Variants in KIF18A observed in about 807,000 individuals in gnomAD.
KIF18A encodes the protein kinesin family member 18A, also known as kinesin-like protein KIF18A.
KIF18A carries 67 observed loss-of-function variants against 103.3 expected under a neutral mutation model. The observed-to-expected ratio is 0.65, with a 90% confidence interval of 0.53 to 0.79. KIF18A has a LOEUF of 0.79. Ranked by LOEUF, KIF18A falls within the 30% of genes least tolerant of loss-of-function variation. The pLI is 0.00. For synonymous variants in KIF18A, 367 were observed against 355.5 expected (o/e 1.03, Z -0.36); for missense variants, 1,032 against 1,062.5 (o/e 0.97, Z 0.40).
chr11:28,096,291 T>G (rs1365633450), intron 2 of KIF18A, among the ~76,000 whole-genome samples: 1 of 151,998 alleles, frequency 6.6e-6, no homozygotes, highest in Non-Finnish European at 1.5e-5. Context: ...ATATCATTAT[T>G]GGTTGAAAAT....
In KIF18A at chr11:28,080,088, T is replaced by C. The variant is rs113529243; in HGVS notation, c.1262+2768A>G. On this transcript the variant is annotated intron_variant, in intron 9 of 16. Coordinates refer to ENST00000263181, the MANE Select transcript of KIF18A (RefSeq NM_031217.4). ...AAATGAAGAATAGAGTAGATTTACA[T>C]GAAATATACAAATAATGATTATGTC... Among the ~76,000 whole-genome samples, 10 of 152,154 alleles carry C rather than the reference T, an allele frequency of 6.6e-5. 1 individual carries two copies. Among genetic ancestry groups the C allele is most frequent in the African/African-American group, 2.4e-4 (10 of 41,530 alleles).
intron 13 of KIF18A, among the ~76,000 whole-genome samples, chr11:28,054,334 C>A (rs1426244341): frequency 6.6e-6 from 1 of 151,996 alleles, no homozygotes; most frequent in Non-Finnish European, 1.5e-5. Context: ...GTTCAGCCTC[C>A]CAAGTAGCTA....
rs745465275 is a variant in KIF18A at position 28,058,912 on chromosome 11, A to G, written c.1948+14T>C. 4.4e-6 allele frequency: 7 copies of G among 1,600,642 alleles called. 1 individual carries two copies. Among genetic ancestry groups the G allele is most frequent in the Non-Finnish European group, 6.0e-6 (7 of 1,168,952 alleles). On this transcript the variant is annotated intron_variant, in intron 13 of 16. Coordinates refer to ENST00000263181, the MANE Select transcript of KIF18A (RefSeq NM_031217.4). ...ATAATGTTACTATTTACTTAAAACG[A>G]AAGTTATACTTACAACAAGGAATAG...
At chr11:28,027,790 T>C (rs1484031234) in intron 15 of KIF18A, among the ~76,000 whole-genome samples, 1 of 151,886 alleles carries the variant, frequency 6.6e-6, no homozygotes, top group African/African-American at 2.4e-5. Context: ...CCAATACCAA[T>C]CTTACTCAAA....
At chr11:28,029,068 G>A (rs182516125) in intron 15 of KIF18A, among the ~76,000 whole-genome samples, 120 of 151,982 alleles carry the variant, frequency 7.9e-4, no homozygotes, top group Non-Finnish European at 5.7e-4. Flanking sequence ...GTCCAGGACC[G>A]GGCGGATTCA....
At chr11:28,063,577 C>A (rs1358724220) in intron 11 of KIF18A, among the ~76,000 whole-genome samples, 1 of 151,934 alleles carries the variant, frequency 6.6e-6, no homozygotes, top group East Asian at 1.9e-4. Flanking sequence ...TTTCCTTAAA[C>A]CTACTAAACC....
chr11:28,073,187 G>A (rs1049156685), intron 10 of KIF18A, among the ~76,000 whole-genome samples: 2 of 152,092 alleles, frequency 1.3e-5, no homozygotes, highest in African/African-American at 2.4e-5. Context: ...CTGAGAGAAG[G>A]TATGGCCACA....
chr11:28,084,833 A>T (rs780290331), intron 6 of KIF18A, 25 bp from the exon 7 acceptor site: 1 of 1,585,528 alleles, frequency 6.3e-7, no homozygotes, highest in Non-Finnish European at 8.6e-7. Flanking sequence ...AAGAGATCTT[A>T]TGTCATTTTC....
rs571653792 is a variant in KIF18A, at chr11:28,084,927, G to A, written c.898-119C>T. Reference sequence around the variant, plus strand: ...TAGGTGCCGAGGCAAGAGACTGAAGGTATAAACTGTTTCAGTATAATGAAA... The same window carrying A: ...TAGGTGCCGAGGCAAGAGACTGAAGATATAAACTGTTTCAGTATAATGAAA... On this transcript the variant is annotated intron_variant, in intron 6 of 16. Transcript: ENST00000263181. 4.3e-4 allele frequency: 281 copies of A among 654,610 alleles called. 1 individual carries two copies. The highest frequency in any genetic ancestry group is 5.0e-4 in the Non-Finnish European group (189 of 377,654). The allele number at this position is 654,610 out of a possible 1,614,324, so 40.6% of individuals were successfully genotyped here.
rs1247945128 is a variant in KIF18A at position 28,088,852 on chromosome 11, T to G, written c.700-131A>C. 3.9e-5 allele frequency: 27 copies of G among 699,392 alleles called. No homozygotes were observed. In the Admixed American group the frequency reaches 7.1e-4, roughly 18 times the overall value. 43.3% of individuals were successfully genotyped at this position (699,392 alleles called of 1,614,324 possible). Reference sequence around the variant, plus strand: ...AAAAACAACTGAACAAGGTATAATCTAATTGATATTTAAGAGCACTATAAG... The same window carrying G: ...AAAAACAACTGAACAAGGTATAATCGAATTGATATTTAAGAGCACTATAAG... On this transcript the variant is annotated intron_variant, in intron 5 of 16. Coordinates refer to ENST00000263181, the MANE Select transcript of KIF18A (RefSeq NM_031217.4).
intron 15 of KIF18A, among the ~76,000 whole-genome samples, chr11:28,031,656 T>C (rs1248229474): frequency 6.6e-6 from 1 of 151,404 alleles, no homozygotes; most frequent in African/African-American, 2.4e-5. Context: ...GTTATGCACA[T>C]GTACCGTGGA....
intron 1 of KIF18A, among the ~76,000 whole-genome samples, chr11:28,105,799 G>A (rs563260445): frequency 2.6e-5 from 4 of 152,284 alleles, no homozygotes; most frequent in East Asian, 3.9e-4. Context: ...TTGATATGGT[G>A]ATAATTATTA....
chr11:28,094,619 G>T, intron 3 of KIF18A, 24 bp downstream of exon 3: 3 of 1,546,436 alleles, frequency 1.9e-6, no homozygotes, highest in South Asian at 1.1e-5. Context: ...CAAAACTATT[G>T]ATTAATCTAA....
In KIF18A at chr11:28,088,630, C is replaced by T. The variant is rs746616107; in HGVS notation, c.791G>A (p.Arg264Gln). ...MSLIDLAGSE[R>Q]ASTSGAKGTR... is the part of the protein sequence containing the mutation. Reference sequence around the variant, plus strand: ...CCCCTTAGCACCGGAAGTACTTGCTCGCTCAGATCCTGCCAGGTCAATGAG... The same window carrying T: ...CCCCTTAGCACCGGAAGTACTTGCTTGCTCAGATCCTGCCAGGTCAATGAG... The change falls in exon 6 of 17, where the codon CGA (arginine) becomes CAA (glutamine). Residue 264 changes from arginine to glutamine, a missense_variant. Coordinates refer to ENST00000263181, the MANE Select transcript of KIF18A (RefSeq NM_031217.4). 2.1e-5 allele frequency: 34 copies of T among 1,613,952 alleles called. No homozygotes were observed. Among genetic ancestry groups the T allele is most frequent in the Admixed American group, 5.0e-5 (3 of 60,010 alleles).
At chr11:28,069,153 G>A in intron 11 of KIF18A, 106 bp downstream of exon 11, 2 of 811,882 alleles carry the variant, frequency 2.5e-6, no homozygotes, top group African/African-American at 1.7e-5. Flanking sequence ...GAGTTATGAG[G>A]CAATAATAGT....
rs59824355 is a variant in KIF18A at position 28,054,690 on chromosome 11, TAATA to T, written c.1948+4232_1948+4235del. Among the ~76,000 whole-genome samples, 302 of 152,242 alleles carry T rather than the reference TAATA, an allele frequency of 2.0e-3. 5 individuals carry two copies. In the East Asian group the frequency reaches 0.054, roughly 27 times the overall value. ...CATAATTCATGAAATGGAAAATACA[TAATA>T]AATAAATAGTTGATCTCTAAAATCA... On this transcript the variant is annotated intron_variant, in intron 13 of 16. Transcript: ENST00000263181.
intron 14 of KIF18A, 141 bp from the exon 15 acceptor site, chr11:28,035,635 C>G: frequency 2.3e-6 from 1 of 431,638 alleles, no homozygotes; most frequent in Non-Finnish European, 4.0e-6. Context: ...GTAAAGATTC[C>G]CTTGCTTGTC....
chr11:28,088,361 T>C (rs1183008520), intron 6 of KIF18A, among the ~76,000 whole-genome samples, 163 bp downstream of exon 6: 2 of 152,172 alleles, frequency 1.3e-5, no homozygotes, highest in Non-Finnish European at 2.9e-5. Context: ...ATCAGTTTAA[T>C]ACACTAGGTT....
At chr11:28,099,210 T>C (rs1393717574) in intron 1 of KIF18A, among the ~76,000 whole-genome samples, 1 of 152,144 alleles carries the variant, frequency 6.6e-6, no homozygotes, top group Non-Finnish European at 1.5e-5. Context: ...CTAGGGGGCA[T>C]TATGCTAAGT....
Sources: allele counts gnomAD v4.1 joint callset (sites outside exome capture counted in the v4.1 genomes callset), GRCh38; gene constraint gnomAD v4.1.1; transcripts MANE v1.5; gene names NCBI Gene and HGNC (gene_info 2026-07-23, HGNC 2026-07-21).